BCL2L10: variants seen among roughly 807,000 people sequenced by gnomAD.
BCL2L10 encodes BCL2 like 10, also known as bcl-2-like protein 10.
Under a neutral mutation model 11.1 loss-of-function variants are expected in BCL2L10, and 14 were observed. That is an observed-to-expected ratio of 1.26 (90% CI 0.83 to 1.96). The LOEUF is 1.96. BCL2L10 is among the 30% of genes most tolerant of loss of function. The pLI is 0.00. For synonymous variants in BCL2L10, 154 were observed against 133.4 expected, an observed-to-expected ratio of 1.15 and a Z score of -1.07; for missense variants, 309 against 273.9, an observed-to-expected ratio of 1.13 and a Z score of -0.90.
At chr15:52,111,173 A>AACAC (rs71130130) in intron 1 of BCL2L10, among the ~76,000 whole-genome samples, 11,517 of 121,610 alleles carry the variant, frequency 0.095, 624 homozygotes, top group East Asian at 0.24. Context: ...CTCTACTGAA[A>AACAC]ACACACACAC....
At chr15:52,111,482 C>A (rs976852046) in intron 1 of BCL2L10, among the ~76,000 whole-genome samples, 4 of 152,182 alleles carry the variant, frequency 2.6e-5, no homozygotes, top group Admixed American at 6.5e-5. Context: ...TGGGCCACTT[C>A]AGTCATTGAA....
At chr15:52,111,199 C>CACACACACACAG (rs1453072825) in intron 1 of BCL2L10, among the ~76,000 whole-genome samples, 1 of 150,860 alleles carries the variant, frequency 6.6e-6, no homozygotes, top group South Asian at 2.1e-4. Context: ...CACACACACA[C>CACACACACACAG]ACACACACAC....
chr15:52,112,429 G>A lies in BCL2L10; in HGVS notation c.298C>T (p.Leu100Phe). The change falls in exon 1 of 2, where the codon CTC (leucine) becomes TTC (phenylalanine). Residue 100 changes from leucine (L) to phenylalanine (F), a missense_variant. By Grantham distance (22) the Leu-to-Phe change is conservative. Coordinates refer to ENST00000260442, the MANE Select transcript of BCL2L10 (RefSeq NM_020396.4). ...PGPTWGRVVT[L>F]VTFAGTLLER... ...AGCAGCGTCCCTGCGAAGGTCACGA[G>A]CGTCACCACTCTGCCCCAGGTGGGG... The A allele has an allele frequency of 6.2e-7, 1 of 1,607,376 alleles. No individual in the cohort carries two copies. The highest frequency in any genetic ancestry group is 8.5e-7 in the Non-Finnish European group (1 of 1,179,582).
In BCL2L10 at chr15:52,109,850, A is replaced by C. The variant is rs752344133; in HGVS notation, c.613T>G (p.Ter205GlyextTer48). 29 of 1,613,806 alleles carry C rather than the reference A, an allele frequency of 1.8e-5. No homozygotes were observed. Among genetic ancestry groups the C allele is most frequent in the African/African-American group, 4.0e-5 (3 of 74,926 alleles). ...AAGCGGGTTAAAAGTTTTAAAACTC[A>C]TAATAATCGTGTCCAGAGATAAATG... ...AFIYLWTRLL[*>G] The change falls in exon 2 of 2, where the codon TGA becomes GGA. Residue 205 changes from the stop codon to glycine, a stop_lost. Transcript: ENST00000260442.
In BCL2L10 at chr15:52,109,714, A is replaced by AG; in HGVS notation, c.*133dup. ...AAAACACTGGCCAAATCACCACCTC[A>AG]GGACTCCTTGTATGCATTCAGATAA... On this transcript the variant is annotated 3_prime_UTR_variant, in exon 2 of 2. Transcript: ENST00000260442. 3 of 1,256,660 alleles carry AG rather than the reference A, an allele frequency of 2.4e-6. No individual in the cohort carries two copies. Among genetic ancestry groups the AG allele is most frequent in the Non-Finnish European group, 3.3e-6 (3 of 906,026 alleles). The allele number at this position is 1,256,660 out of a possible 1,614,324, so 77.8% of individuals were successfully genotyped here. A position where few individuals can be genotyped will look rare whatever the true frequency, so the allele number is the denominator to read the frequency against.
rs3838855 is a variant in BCL2L10 at position 52,110,440 on chromosome 15, C to CTT, written c.490-469_490-468dup. Among the ~76,000 whole-genome samples the CTT allele has an allele frequency of 1.3e-3, 194 of 149,936 alleles. No individual in the cohort carries two copies. The East Asian group carries it at 0.015, about 12-fold the overall frequency. ...TGTTTACCCAATTTGAGAATTTCAG[C>CTT]TTTTTTTTTTGAGACAGAGTTTCGC... On this transcript the variant is annotated intron_variant, in intron 1 of 1. Coordinates refer to ENST00000260442, the MANE Select transcript of BCL2L10 (RefSeq NM_020396.4).
At position 52,112,318 on chromosome 15, in the gene BCL2L10, C is replaced by G. The variant is rs1318048786; in HGVS notation, c.409G>C (p.Asp137His). ...LKEQEGDVAR[D>H]CQRLVALLSS... is the part of the protein sequence containing the mutation. Reference sequence around the variant, plus strand: ...AGCAAGGCCACCAGGCGCTGGCAGTCCCGGGCGACGTCGCCCTCCTGCTCC... The same window carrying G: ...AGCAAGGCCACCAGGCGCTGGCAGTGCCGGGCGACGTCGCCCTCCTGCTCC... The change falls in exon 1 of 2, where the codon GAC becomes CAC. Residue 137 changes from aspartate to histidine, a missense_variant. Physicochemically the swap from Asp to His is moderately conservative, Grantham distance 81. Transcript: ENST00000260442. 1 of 1,580,624 alleles carries G rather than the reference C, an allele frequency of 6.3e-7. No homozygotes were observed. Among genetic ancestry groups the G allele is most frequent in the African/African-American group, 1.3e-5 (1 of 74,192 alleles).
chr15:52,112,231 T>G lies in BCL2L10; in HGVS notation c.489+7A>C, dbSNP rs1362443529. On this transcript the variant is annotated splice_region_variant and intron_variant, in intron 1 of 1. Transcript: ENST00000260442. ...GCCCCGTGTCCCGGTGTCCGCCGCG[T>G]GCTCACCCAGCCGCCCTGAGCCTGC... The G allele has an allele frequency of 6.7e-7, 1 of 1,492,666 alleles. No individual in the cohort carries two copies. The highest frequency in any genetic ancestry group is 1.4e-5 in the African/African-American group (1 of 69,686). 92.5% of individuals were successfully genotyped at this position (1,492,666 alleles called of 1,614,324 possible).
In BCL2L10 at chr15:52,109,791, T is replaced by C. The variant is rs747107320; in HGVS notation, c.*57A>G. ...TTCCCTCAGTTCTTGTTCTCACACA[T>C]CTGTCATTTAGTTGGTCACAGTTGG... On this transcript the variant is annotated 3_prime_UTR_variant, in exon 2 of 2. Coordinates refer to ENST00000260442, the MANE Select transcript of BCL2L10 (RefSeq NM_020396.4). The C allele has an allele frequency of 6.3e-7, 1 of 1,598,802 alleles. No individual in the cohort carries two copies. The highest frequency in any genetic ancestry group is 8.5e-7 in the Non-Finnish European group (1 of 1,170,408).
At chr15:52,111,515 G>A (rs1235205923) in intron 1 of BCL2L10, among the ~76,000 whole-genome samples, 1 of 152,204 alleles carries the variant, frequency 6.6e-6, no homozygotes, top group Non-Finnish European at 1.5e-5. Context: ...AGGTGGTGGG[G>A]AAAGAAATGG....
In BCL2L10 at chr15:52,112,672, T is replaced by C. The variant is rs941480366; in HGVS notation, c.55A>G (p.Thr19Ala). ...TTMADPLRERTELLLADYLGY... is the reference protein window; with the variant it reads ...TTMADPLRERAELLLADYLGY... ...AGGTAGTCGGCCAGCAACAGCTCGG[T>C]GCGCTCCCGCAGCGGGTCGGCCATG... Residue 19 changes from threonine to alanine, a missense_variant, in exon 1 of 2, where the codon ACC becomes GCC. Coordinates refer to ENST00000260442, the MANE Select transcript of BCL2L10 (RefSeq NM_020396.4). 8 of 1,544,402 alleles carry C rather than the reference T, an allele frequency of 5.2e-6. No homozygotes were observed. The highest frequency in any genetic ancestry group is 1.4e-5 in the African/African-American group (1 of 72,632).
chr15:52,109,998 A>G, intron 1 of BCL2L10, 25 bp from the exon 2 acceptor site: 1 of 1,583,214 alleles, frequency 6.3e-7, no homozygotes, highest in Non-Finnish European at 8.6e-7. Context: ...GAGAAAAGTT[A>G]GATTGCCTCA....
chr15:52,110,873 C>T (rs925424079), intron 1 of BCL2L10, among the ~76,000 whole-genome samples: 3 of 152,144 alleles, frequency 2.0e-5, no homozygotes, highest in Non-Finnish European at 4.4e-5. Flanking sequence ...GGCCAGATGC[C>T]GTATTGAGAC....
At chr15:52,110,747 C>T (rs2033041809) in intron 1 of BCL2L10, among the ~76,000 whole-genome samples, 1 of 152,112 alleles carries the variant, frequency 6.6e-6, no homozygotes, top group South Asian at 2.1e-4. Context: ...ATTTCAGCTC[C>T]TTGGTGTTAA....
Position 52,109,716 on chromosome 15 carries a change from G to A in BCL2L10, c.*132C>T, listed in dbSNP as rs558715584. 26 of 1,265,656 alleles carry A rather than the reference G, an allele frequency of 2.1e-5. No individual in the cohort carries two copies. In the East Asian group the frequency reaches 6.1e-4, roughly 30 times the overall value. 78.4% of individuals were successfully genotyped at this position (1,265,656 alleles called of 1,614,324 possible). A position where few individuals can be genotyped will look rare whatever the true frequency, so the allele number is the denominator to read the frequency against. ...AACACTGGCCAAATCACCACCTCAGGACTCCTTGTATGCATTCAGATAAAA... is the reference window on the plus strand; with the variant it reads ...AACACTGGCCAAATCACCACCTCAGAACTCCTTGTATGCATTCAGATAAAA... On this transcript the variant is annotated 3_prime_UTR_variant, in exon 2 of 2. Transcript: ENST00000260442.
Position 52,109,850 on chromosome 15 carries a change from A to T in BCL2L10, c.613T>A (p.Ter205ArgextTer48), listed in dbSNP as rs752344133. The T allele has an allele frequency of 6.2e-7, 1 of 1,613,924 alleles. No individual in the cohort carries two copies. The part of the protein sequence containing the change: ...AFIYLWTRLL[*>R] ...AAGCGGGTTAAAAGTTTTAAAACTC[A>T]TAATAATCGTGTCCAGAGATAAATG... The change falls in exon 2 of 2, where the codon TGA becomes AGA. Residue 205 changes from the stop codon to arginine (R), a stop_lost. Transcript: ENST00000260442.
At chr15:52,112,202 T>C (rs2033066224) in intron 1 of BCL2L10, 36 bp downstream of exon 1, 2 of 1,451,398 alleles carry the variant, frequency 1.4e-6, no homozygotes, top group African/African-American at 1.5e-5. Flanking sequence ...CGGCTGCCCG[T>C]CCCGCCCCGT....
In BCL2L10 at chr15:52,109,316, A is replaced by C. The variant is rs1443228680; in HGVS notation, c.*532T>G. 3 of 152,280 alleles carry C rather than the reference A, an allele frequency of 2.0e-5. No individual in the cohort carries two copies. Among genetic ancestry groups the C allele is most frequent in the Non-Finnish European group, 4.4e-5 (3 of 68,066 alleles). The allele number at this position is 152,280 out of a possible 1,614,324, so 9.4% of individuals were successfully genotyped here. A position where few individuals can be genotyped will look rare whatever the true frequency, so the allele number is the denominator to read the frequency against. On this transcript the variant is annotated 3_prime_UTR_variant, in exon 2 of 2. Transcript: ENST00000260442. ...ACTTTGCAGTTAACAATTATTGAAG[A>C]AATTAGTATGTTAACTATAAAAACC... is the stretch of plus-strand genomic sequence containing the variant.
rs1430916909 is a variant in BCL2L10 at position 52,112,284 on chromosome 15, C to T, written c.443G>A (p.Arg148Gln). The change falls in exon 1 of 2, where the codon CGG becomes CAG. Residue 148 changes from arginine (R) to glutamine (Q), a missense_variant. Coordinates refer to ENST00000260442, the MANE Select transcript of BCL2L10 (RefSeq NM_020396.4). ...CQRLVALLSS[R>Q]LMGQHRAWLQ... is the part of the protein sequence containing the mutation. ...CCAGGCGCGGTGCTGCCCCATGAGC[C>T]GCGAGCTCAGCAAGGCCACCAGGCG... The T allele has an allele frequency of 1.3e-6, 2 of 1,551,718 alleles. No individual in the cohort carries two copies. The highest frequency in any genetic ancestry group is 1.9e-5 in the Admixed American group (1 of 53,606).
Sources: gnomAD v4.1 joint callset for allele counts (sites outside exome capture counted in the v4.1 genomes callset) on GRCh38, gnomAD v4.1.1 for gene constraint, MANE v1.5 for transcripts, NCBI Gene and HGNC (gene_info 2026-07-23, HGNC 2026-07-21) for gene names.